ADGRG4: variants seen among roughly 807,000 people sequenced by gnomAD.
ADGRG4 encodes adhesion G protein-coupled receptor G4.
A neutral mutation model predicts 126.2 loss-of-function variants in ADGRG4; 122 were observed. The observed-to-expected ratio is 0.97, with a 90% CI of 0.83 to 1.12. The LOEUF is 1.12. Among genes scored for constraint, ADGRG4 ranks in the 50% most tolerant of loss-of-function variants. ADGRG4 has a pLI of 0.00. For missense variants in ADGRG4, 2,481 were observed against 2,251.8 expected, an observed-to-expected ratio of 1.10 and a Z score of -2.06; for synonymous variants, 943 against 838.7, an observed-to-expected ratio of 1.12 and a Z score of -2.15.
intron 5 of ADGRG4, among the ~76,000 whole-genome samples, chrX:136,328,927 C>A (rs976404162): frequency 9.0e-6 from 1 of 111,610 alleles, no homozygotes; most frequent in African/African-American, 3.3e-5. Flanking sequence ...TATTTGTATT[C>A]TCCTTCACAG....
At chrX:136,381,181 AT>A (rs1401518218) in intron 15 of ADGRG4, among the ~76,000 whole-genome samples, 8 of 111,038 alleles carry the variant, frequency 7.2e-5, no homozygotes, top group East Asian at 5.6e-4. Flanking sequence ...AATATTTTAT[AT>A]TTTTTTTAGT....
chrX:136,362,619 C>T (rs956111743), intron 12 of ADGRG4, among the ~76,000 whole-genome samples: 2 of 111,173 alleles, frequency 1.8e-5, no homozygotes, highest in Admixed American at 9.6e-5. Context: ...CTTTATCATA[C>T]GCTCCAGTCA....
chrX:136,411,124 C>T (rs758398825), intron 23 of ADGRG4, among the ~76,000 whole-genome samples: 1 of 111,017 alleles, frequency 9.0e-6, no homozygotes, highest in Admixed American at 9.5e-5. Flanking sequence ...TGGCTTGATT[C>T]TGACTCACTG....
intron 7 of ADGRG4, 50 bp downstream of exon 7, chrX:136,351,591 T>C (rs1454173444): frequency 2.0e-6 from 1 of 511,642 alleles, no homozygotes; most frequent in East Asian, 4.2e-5. Context: ...TATGTGAATA[T>C]ATACATTTAT....
chrX:136,405,930 A>G lies in ADGRG4; in HGVS notation c.8893A>G (p.Asn2965Asp), dbSNP rs773687091. The G allele has an allele frequency of 3.7e-5, 42 of 1,135,926 alleles. No homozygotes were observed. The highest frequency in any genetic ancestry group is 5.5e-5 in the African/African-American group (3 of 54,628). 93.6% of individuals were successfully genotyped at this position (1,135,926 alleles called of 1,213,427 possible). Residue 2965 changes from asparagine to aspartate, a missense_variant, in exon 23 of 26, where the codon AAC becomes GAC. Asn to Asp is a conservative substitution (Grantham distance 23, BLOSUM62 1). Transcript: ENST00000394143. ...ATTTTTTGCTTGGGGACCCATGAGG[A>G]ACTTTTTCTTGTATTTGTTTGCCAT... The part of the protein sequence containing the change: ...FAFFAWGPMR[N>D]FFLYLFAIFN...
At chrX:136,351,614 A>T in intron 7 of ADGRG4, 73 bp downstream of exon 7, 1 of 425,193 alleles carries the variant, frequency 2.4e-6, no homozygotes, top group Non-Finnish European at 3.7e-6. Flanking sequence ...ATATGACAGA[A>T]TATATTAAAA....
chrX:136,354,024 G>A (rs1337947713), intron 8 of ADGRG4, among the ~76,000 whole-genome samples: 1 of 111,783 alleles, frequency 8.9e-6, no homozygotes, highest in African/African-American at 3.3e-5. Context: ...TTGAAAAATA[G>A]GCATGGCTCT....
At chrX:136,308,205 G>C (rs1299324895) in intron 3 of ADGRG4, among the ~76,000 whole-genome samples, 1 of 112,730 alleles carries the variant, frequency 8.9e-6, no homozygotes, top group Non-Finnish European at 1.9e-5. Context: ...CCAGGTCCAA[G>C]GAATTCTCCT....
chrX:136,372,342 A>G (rs1280712453), intron 14 of ADGRG4, among the ~76,000 whole-genome samples: 1 of 111,611 alleles, frequency 9.0e-6, no homozygotes, highest in Non-Finnish European at 1.9e-5. Context: ...CTCCACCACT[A>G]CCATCCTATT....
chrX:136,375,227 T>C (rs1469950559), intron 15 of ADGRG4, among the ~76,000 whole-genome samples: 2 of 112,356 alleles, frequency 1.8e-5, no homozygotes, highest in African/African-American at 6.5e-5. Flanking sequence ...TTCCTTTTTA[T>C]GGCTGAGTAG....
At position 136,345,438 on chromosome X, in the gene ADGRG4, G is replaced by A; in HGVS notation, c.1732G>A (p.Glu578Lys). 1 of 1,209,040 alleles carries A rather than the reference G, an allele frequency of 8.3e-7. No homozygotes were observed. Among genetic ancestry groups the A allele is most frequent in the Non-Finnish European group, 1.1e-6 (1 of 893,336 alleles). Residue 578 changes from glutamate (E) to lysine (K), a missense_variant, in exon 6 of 26, where the codon GAA (glutamate) becomes AAA (lysine). Coordinates refer to ENST00000394143, the MANE Select transcript of ADGRG4 (RefSeq NM_153834.4). ...GAGTGTACAGACAGTTATTGATGCT[G>A]AAGCTACACGTACAGCCTTAACTCC... Reference protein sequence around the residue: ...TESVQTVIDAEATRTALTPEI... With the variant: ...TESVQTVIDAKATRTALTPEI...
At chrX:136,305,413 C>A (rs993093030) in intron 3 of ADGRG4, among the ~76,000 whole-genome samples, 1 of 111,475 alleles carries the variant, frequency 9.0e-6, no homozygotes. Context: ...CCCTTGGGAC[C>A]CCAGGGGCCT....
Position 136,348,574 on chromosome X carries a change from A to T in ADGRG4, c.4868A>T (p.Lys1623Ile). 1 of 1,210,544 alleles carries T rather than the reference A, an allele frequency of 8.3e-7. No individual in the cohort carries two copies. The change falls in exon 6 of 26, where the codon AAA becomes ATA. Residue 1623 changes from lysine to isoleucine, a missense_variant. Transcript: ENST00000394143. ...VIYAGATSKN[K>I]MVSSAFTTEM... ...TATGCTGGGGCTACTTCAAAAAACAAAATGGTTTCCTCTGCTTTCACTACA... is the reference window on the plus strand; with the variant it reads ...TATGCTGGGGCTACTTCAAAAAACATAATGGTTTCCTCTGCTTTCACTACA...
chrX:136,331,825 T>C (rs927282548), intron 5 of ADGRG4, among the ~76,000 whole-genome samples: 1 of 105,730 alleles, frequency 9.5e-6, no homozygotes, highest in Non-Finnish European at 2.0e-5. Context: ...CTAATTTTTT[T>C]TTTTTTTTTG....
At chrX:136,353,947 G>GT (rs2075078112) in intron 8 of ADGRG4, among the ~76,000 whole-genome samples, 1 of 111,524 alleles carries the variant, frequency 9.0e-6, no homozygotes, top group Admixed American at 9.5e-5. Flanking sequence ...CACCTGAGAA[G>GT]TATTTCCTGT....
chrX:136,337,424 C>T (rs1216792236), intron 5 of ADGRG4, among the ~76,000 whole-genome samples: 2 of 112,064 alleles, frequency 1.8e-5, no homozygotes, highest in African/African-American at 3.2e-5. Flanking sequence ...TCTCATTCTC[C>T]AAGATTCTTT....
In ADGRG4 at chrX:136,346,980, A is replaced by G. The variant is rs1399066806; in HGVS notation, c.3274A>G (p.Thr1092Ala). 1 of 1,208,703 alleles carries G rather than the reference A, an allele frequency of 8.3e-7. No homozygotes were observed. The highest frequency in any genetic ancestry group is 1.8e-5 in the African/African-American group (1 of 57,126). Residue 1092 changes from threonine to alanine, a missense_variant, in exon 6 of 26, where the codon ACG (threonine) becomes GCG (alanine). Thr to Ala is a moderately conservative substitution (Grantham distance 58). Coordinates refer to ENST00000394143, the MANE Select transcript of ADGRG4 (RefSeq NM_153834.4). ...CTTGATTCGTACCACTTCAGAGGCCACGGTAATCTCTGTCAGGAAGACATC... is the reference window on the plus strand; with the variant it reads ...CTTGATTCGTACCACTTCAGAGGCCGCGGTAATCTCTGTCAGGAAGACATC... Reference protein sequence around the residue: ...GDLIRTTSEATVISVRKTSMA... With the variant: ...GDLIRTTSEAAVISVRKTSMA...
intron 5 of ADGRG4, among the ~76,000 whole-genome samples, chrX:136,326,358 G>A (rs1016297129): frequency 6.3e-5 from 7 of 111,785 alleles, no homozygotes; most frequent in Non-Finnish European, 1.3e-4. Context: ...AGTTCTTACC[G>A]TGTGCCAGGC....
intron 13 of ADGRG4, among the ~76,000 whole-genome samples, chrX:136,364,317 G>A (rs2075145879): frequency 9.0e-6 from 1 of 111,086 alleles, no homozygotes; most frequent in Admixed American, 9.6e-5. Flanking sequence ...ACATATTTGT[G>A]TATGTGTATA....
Sources: gnomAD v4.1 joint callset for allele counts (sites outside exome capture counted in the v4.1 genomes callset) on GRCh38, gnomAD v4.1.1 for gene constraint, MANE v1.5 for transcripts, NCBI Gene and HGNC (gene_info 2026-07-23, HGNC 2026-07-21) for gene names.